The following IPO11 variants were observed in gnomAD, a reference collection of about 807,000 sequenced individuals.
IPO11 encodes the protein importin 11.
In IPO11, 66 loss-of-function variants were observed where a neutral mutation model predicts 143.2. The ratio of observed to expected loss-of-function variants is 0.46; its 90% CI spans 0.38 to 0.57. IPO11 has a LOEUF of 0.57. Among genes scored for constraint, IPO11 ranks in the 20% least tolerant of loss-of-function variants. The probability of loss-of-function intolerance (pLI) is 0.00; values close to 1 mark genes in which losing one functional copy is unlikely to be tolerated. For synonymous variants in IPO11, 385 were observed against 377.8 expected, an observed-to-expected ratio of 1.02 and a Z score of -0.22; for missense variants, 1,026 against 1,141.0, an observed-to-expected ratio of 0.90 and a Z score of 1.45.
At chr5:62,612,245 A>G (rs75604866) in intron 29 of IPO11, among the ~76,000 whole-genome samples, 2 of 152,234 alleles carry the variant, frequency 1.3e-5, no homozygotes, top group South Asian at 4.1e-4. Flanking sequence ...TAAAAAAATC[A>G]TTCAAAGGTA....
intron 1 of IPO11, among the ~76,000 whole-genome samples, chr5:62,420,747 CTT>C (rs1743485807): frequency 1.3e-5 from 2 of 151,992 alleles, no homozygotes; most frequent in African/African-American, 4.8e-5. Context: ...GCCCAGCTAA[CTT>C]TTTGTTTTTT....
At chr5:62,452,034 G>A in intron 5 of IPO11, 101 bp downstream of exon 5, 1 of 871,220 alleles carries the variant, frequency 1.1e-6, no homozygotes, top group Non-Finnish European at 1.9e-6. Context: ...CGAGGCGGGT[G>A]GATCACGAGG....
At chr5:62,443,305 A>G in intron 3 of IPO11, 1 of 423,200 alleles carries the variant, frequency 2.4e-6, no homozygotes, top group South Asian at 4.9e-5. Flanking sequence ...AAAAGTGTTT[A>G]CTACTGAATA....
At chr5:62,476,827 A>G in intron 9 of IPO11, 74 bp downstream of exon 9, 1 of 1,363,434 alleles carries the variant, frequency 7.3e-7, no homozygotes. Context: ...TGATATTTTT[A>G]TAACCATACA....
At chr5:62,488,102 C>A (rs1746473225) in intron 13 of IPO11, among the ~76,000 whole-genome samples, 1 of 152,138 alleles carries the variant, frequency 6.6e-6, no homozygotes, top group African/African-American at 2.4e-5. Flanking sequence ...AAAAGCAAAA[C>A]AGTAGTCATA....
At chr5:62,431,600 C>G (rs1743989754) in intron 1 of IPO11, among the ~76,000 whole-genome samples, 1 of 151,988 alleles carries the variant, frequency 6.6e-6, no homozygotes, top group African/African-American at 2.4e-5. Context: ...AGGCTAAAGT[C>G]AAGATGATGC....
At position 62,536,752 on chromosome 5, in the gene IPO11, A is replaced by G; in HGVS notation, c.2140A>G (p.Ile714Val). 6.4e-7 allele frequency: 1 copy of G among 1,570,590 alleles called. No homozygotes were observed. Residue 714 changes from isoleucine to valine, a missense_variant, in exon 23 of 30, where the codon ATC becomes GTC. Around this residue, in one of 5 missense-constraint regions of IPO11, gnomAD observed 351 missense variants for 358.9 expected, o/e 0.98. Coordinates refer to ENST00000325324, the MANE Select transcript of IPO11 (RefSeq NM_016338.5). ...RTCFKIINGY[I>V]FLSSTEFLQT... is the part of the protein sequence containing the mutation. ...TTGCTTTAAGATCATCAATGGTTAT[A>G]TCTTTTTATCATCAACAGAATTTTT...
At chr5:62,546,342 G>A (rs992862524) in intron 24 of IPO11, among the ~76,000 whole-genome samples, 10 of 152,074 alleles carry the variant, frequency 6.6e-5, no homozygotes, top group African/African-American at 2.4e-4. Flanking sequence ...GCAAAGTATC[G>A]CAAGGATAGA....
At chr5:62,584,245 C>G (rs1209811697) in intron 27 of IPO11, among the ~76,000 whole-genome samples, 2 of 151,956 alleles carry the variant, frequency 1.3e-5, no homozygotes, top group African/African-American at 4.8e-5. Context: ...CGTTTGGTGT[C>G]AAGCTATTGA....
chr5:62,475,292 G>A (rs985012789), intron 8 of IPO11, among the ~76,000 whole-genome samples: 1 of 152,106 alleles, frequency 6.6e-6, no homozygotes, highest in South Asian at 2.1e-4. Flanking sequence ...AGGCCGAGGC[G>A]AGTGAGTCGC....
chr5:62,534,320 C>G (rs912180739), intron 22 of IPO11, among the ~76,000 whole-genome samples: 1 of 152,100 alleles, frequency 6.6e-6, no homozygotes, highest in African/African-American at 2.4e-5. Flanking sequence ...GTTCCTTTAA[C>G]TGTAAAATTT....
intron 29 of IPO11, among the ~76,000 whole-genome samples, chr5:62,613,839 A>G (rs1349023453): frequency 6.6e-6 from 1 of 152,132 alleles, no homozygotes; most frequent in African/African-American, 2.4e-5. Flanking sequence ...CCCATCTGAG[A>G]TCCCAGTTGA....
chr5:62,519,896 C>A (rs1445824867), intron 20 of IPO11, among the ~76,000 whole-genome samples: 1 of 152,200 alleles, frequency 6.6e-6, no homozygotes, highest in Non-Finnish European at 1.5e-5. Context: ...GGACTAAGGT[C>A]CCAGTTTACT....
intron 1 of IPO11, among the ~76,000 whole-genome samples, chr5:62,433,504 C>G (rs767570745): frequency 1.1e-4 from 17 of 152,194 alleles, no homozygotes; most frequent in Non-Finnish European, 5.9e-5. Context: ...AGAGTAGCTT[C>G]CTCTGCCTCT....
At chr5:62,613,381 C>A (rs1746002554) in intron 29 of IPO11, among the ~76,000 whole-genome samples, 1 of 141,486 alleles carries the variant, frequency 7.1e-6, no homozygotes, top group Non-Finnish European at 1.5e-5. Flanking sequence ...TGGCTCACTG[C>A]AACCTCTATC....
intron 19 of IPO11, among the ~76,000 whole-genome samples, chr5:62,509,166 T>C (rs1425808769): frequency 2.0e-5 from 3 of 152,202 alleles, no homozygotes; most frequent in Admixed American, 6.5e-5. Flanking sequence ...CTTATAAATA[T>C]ATAGTCAAAA....
chr5:62,483,625 A>G (rs184402958), intron 10 of IPO11, among the ~76,000 whole-genome samples: 6 of 152,216 alleles, frequency 3.9e-5, no homozygotes, highest in African/African-American at 1.4e-4. Flanking sequence ...ATAAAGTGTG[A>G]TTGTTTCTAG....
intron 19 of IPO11, among the ~76,000 whole-genome samples, chr5:62,513,088 T>G (rs1741824261): frequency 6.7e-6 from 1 of 150,024 alleles, no homozygotes; most frequent in Non-Finnish European, 1.5e-5. Flanking sequence ...CCATTCTCAA[T>G]GAGCTGTTGG....
intron 16 of IPO11, among the ~76,000 whole-genome samples, chr5:62,500,198 C>G (rs1741301284): frequency 6.6e-6 from 1 of 152,126 alleles, no homozygotes; most frequent in African/African-American, 2.4e-5. Flanking sequence ...GGTGGGATTG[C>G]TTGAGCCTAA....
Sources: gnomAD v4.1 joint callset for allele counts (sites outside exome capture counted in the v4.1 genomes callset) on GRCh38, gnomAD v4.1.1 for gene constraint, gnomAD v4.1.1 regional missense constraint, MANE v1.5 for transcripts, NCBI Gene and HGNC (gene_info 2026-07-23, HGNC 2026-07-21) for gene names.